TTC28: variants seen among roughly 807,000 people sequenced by gnomAD.
TTC28 encodes tetratricopeptide repeat domain 28.
A neutral mutation model predicts 198.0 loss-of-function variants in TTC28; 61 were observed. The ratio of observed to expected loss-of-function variants is 0.31; its 90% CI spans 0.25 to 0.38. The LOEUF is 0.38. Among genes scored for constraint, TTC28 ranks in the 10% least tolerant of loss-of-function variants. The pLI is 1.00. For synonymous variants in TTC28, 1,171 were observed against 1,297.8 expected (o/e 0.90, Z 2.10); for missense variants, 2,678 against 3,164.0 (o/e 0.85, Z 3.69).
chr22:28,156,660 C>T (rs368679442), intron 6 of TTC28, among the ~76,000 whole-genome samples: 9 of 152,242 alleles, frequency 5.9e-5, no homozygotes, highest in African/African-American at 7.2e-5. Flanking sequence ...AACATCAAAA[C>T]GAGACGGAAT....
chr22:28,136,753 A>T (rs1055856503), intron 6 of TTC28, among the ~76,000 whole-genome samples: 1 of 152,186 alleles, frequency 6.6e-6, no homozygotes, highest in Non-Finnish European at 1.5e-5. Context: ...TTGCATGCCC[A>T]AGGTGATTCA....
chr22:28,053,122 C>T (rs567435908), intron 12 of TTC28, among the ~76,000 whole-genome samples: 18 of 152,302 alleles, frequency 1.2e-4, no homozygotes, highest in African/African-American at 4.1e-4. Flanking sequence ...TGTATCGGCA[C>T]GTTGGCCGTA....
intron 8 of TTC28, among the ~76,000 whole-genome samples, chr22:28,102,121 A>T (rs1426028932): frequency 6.6e-6 from 1 of 152,200 alleles, no homozygotes; most frequent in Non-Finnish European, 1.5e-5. Flanking sequence ...CTGATAGTTA[A>T]ATACAGAAGG....
At chr22:28,122,049 G>A (rs1174462376) in intron 6 of TTC28, among the ~76,000 whole-genome samples, 1 of 152,076 alleles carries the variant, frequency 6.6e-6, no homozygotes, top group Non-Finnish European at 1.5e-5. Context: ...TGTATTTTTA[G>A]TAGAGACAGG....
At chr22:28,281,468 C>A (rs1000583944) in intron 5 of TTC28, among the ~76,000 whole-genome samples, 1 of 151,942 alleles carries the variant, frequency 6.6e-6, no homozygotes, top group East Asian at 1.9e-4. Flanking sequence ...TTGAGATTTC[C>A]TATCCACTCT....
intron 1 of TTC28, among the ~76,000 whole-genome samples, chr22:28,642,454 A>G (rs1425874196): frequency 2.0e-5 from 3 of 151,972 alleles, no homozygotes; most frequent in Non-Finnish European, 1.5e-5. Flanking sequence ...ACAACAAAAA[A>G]AAAACACTAG....
chr22:28,265,521 C>T (rs891245833), intron 5 of TTC28, among the ~76,000 whole-genome samples: 31 of 152,116 alleles, frequency 2.0e-4, no homozygotes, highest in African/African-American at 7.5e-4. Flanking sequence ...AGATATTGCA[C>T]GTACCGCATG....
intron 6 of TTC28, among the ~76,000 whole-genome samples, chr22:28,140,796 C>T (rs112650667): frequency 9.2e-5 from 14 of 152,208 alleles, no homozygotes; most frequent in African/African-American, 2.2e-4. Flanking sequence ...TCAGAAATGA[C>T]GTTTTTTTTC....
chr22:28,455,494 A>G (rs1179681268), intron 2 of TTC28, among the ~76,000 whole-genome samples: 1 of 152,006 alleles, frequency 6.6e-6, no homozygotes, highest in African/African-American at 2.4e-5. Flanking sequence ...TGGGTGGATC[A>G]CCTGAGGTCA....
chr22:28,221,923 C>T (rs906534728), intron 5 of TTC28, among the ~76,000 whole-genome samples: 2 of 152,152 alleles, frequency 1.3e-5, no homozygotes, highest in East Asian at 3.9e-4. Context: ...ACTTTGTATC[C>T]TTTGAACCTG....
At chr22:28,147,052 A>G (rs1423012463) in intron 6 of TTC28, among the ~76,000 whole-genome samples, 3 of 152,222 alleles carry the variant, frequency 2.0e-5, no homozygotes, top group Non-Finnish European at 2.9e-5. Context: ...TGTATTCAGG[A>G]GCTAACAAAG....
At chr22:28,428,153 T>C (rs112976271) in intron 2 of TTC28, among the ~76,000 whole-genome samples, 1,587 of 150,026 alleles carry the variant, frequency 0.011, 35 homozygotes, top group East Asian at 0.083. Context: ...GTAGCACTCA[T>C]TTTATTAACA....
At chr22:28,197,259 C>T (rs1368962509) in intron 5 of TTC28, among the ~76,000 whole-genome samples, 41 of 100,876 alleles carry the variant, frequency 4.1e-4, no homozygotes, top group African/African-American at 6.2e-4. Flanking sequence ...CATCACACAC[C>T]GGGGACTGTT....
At chr22:28,656,872 G>A (rs1194223625) in intron 1 of TTC28, among the ~76,000 whole-genome samples, 1 of 151,906 alleles carries the variant, frequency 6.6e-6, no homozygotes, top group Non-Finnish European at 1.5e-5. Flanking sequence ...AAATCTGCAC[G>A]TTGTGCACAT....
At chr22:28,001,130 C>T in intron 15 of TTC28, 1 of 477,160 alleles carries the variant, frequency 2.1e-6, no homozygotes, top group Non-Finnish European at 3.8e-6. Flanking sequence ...AGCAAAGAAA[C>T]TTAGACATGA....
At chr22:28,660,637 T>C (rs1276184326) in intron 1 of TTC28, among the ~76,000 whole-genome samples, 1 of 150,904 alleles carries the variant, frequency 6.6e-6, no homozygotes, top group East Asian at 2.0e-4. Flanking sequence ...GATTCTTCTG[T>C]CTCAACCTCC....
At chr22:28,101,782 T>TAAA (rs11459818) in intron 8 of TTC28, among the ~76,000 whole-genome samples, 23 of 53,170 alleles carry the variant, frequency 4.3e-4, no homozygotes, top group Middle Eastern at 0.018. Context: ...CCATCTCTGT[T>TAAA]AAAAAAAAAA....
intron 2 of TTC28, among the ~76,000 whole-genome samples, chr22:28,552,800 CTCTCCCTCTCTTTCCACGG>C (rs1476037648): frequency 6.7e-6 from 1 of 149,964 alleles, no homozygotes; most frequent in African/African-American, 2.4e-5. Context: ...CACGGTCTCC[CTCTCCCTCTCTTTCCACGG>C]TCTCCCTCTG....
chr22:28,060,410 T>C (rs1221777824), intron 12 of TTC28, among the ~76,000 whole-genome samples: 1 of 152,216 alleles, frequency 6.6e-6, no homozygotes, highest in East Asian at 1.9e-4. Context: ...TCCATGTCTC[T>C]ACAAAGGACA....
Sources: allele counts gnomAD v4.1 joint callset (sites outside exome capture counted in the v4.1 genomes callset), GRCh38; gene constraint gnomAD v4.1.1; transcripts MANE v1.5; gene names NCBI Gene and HGNC (gene_info 2026-07-23, HGNC 2026-07-21).